Variants in CPEB1 observed in about 807,000 individuals in gnomAD.
CPEB1 encodes cytoplasmic polyadenylation element binding protein 1.
In CPEB1, 7 loss-of-function variants were observed where a neutral mutation model predicts 65.8. The observed-to-expected ratio is 0.11, with a 90% CI of 0.06 to 0.20. CPEB1 has a LOEUF of 0.20. CPEB1 is among the 10% of genes least tolerant of loss of function. CPEB1 has a pLI of 1.00. For synonymous variants in CPEB1, 262 were observed against 260.0 expected (o/e 1.01, Z -0.08); for missense variants, 551 against 712.2 (o/e 0.77, Z 2.58).
At chr15:82,648,455 C>T (rs1327629966), upstream of CPEB1, 1 of 152,376 alleles carries the variant, frequency 6.6e-6, no homozygotes, top group Non-Finnish European at 1.5e-5. Context: ...CCCTCTGCTC[C>T]GTGCGCTGCA....
chr15:82,549,612 C>G lies in CPEB1; in HGVS notation c.1328G>C (p.Ser443Thr). The stretch of plus-strand genomic sequence containing the variant: ...GCTGGGGTCAAGCCTCTGAGATGGG[C>G]TCCGGACAAAGTTACTGTCGGCTAA... ...WVLADSNFVR[S>T]PSQRLDPSRT... is the part of the protein sequence containing the mutation. The change falls in exon 10 of 13, where the codon AGC (serine) becomes ACC (threonine). Residue 443 changes from serine to threonine, a missense_variant. By Grantham distance (58) the Ser-to-Thr change is moderately conservative. This residue lies in a region of CPEB1 where 99 missense variants were observed against 161.3 expected (regional missense o/e 0.61). Transcript: ENST00000684509. The G allele has an allele frequency of 1.2e-6, 2 of 1,614,184 alleles. No homozygotes were observed. Among genetic ancestry groups the G allele is most frequent in the Non-Finnish European group, 1.7e-6 (2 of 1,180,032 alleles).
At chr15:82,643,106 C>A (rs2047233440) in intron 1 of CPEB1, among the ~76,000 whole-genome samples, 1 of 152,114 alleles carries the variant, frequency 6.6e-6, no homozygotes, top group African/African-American at 2.4e-5. Flanking sequence ...CTTCCCCTCC[C>A]CAGCACACTC....
intron 3 of CPEB1, among the ~76,000 whole-genome samples, chr15:82,587,030 A>C (rs2041859821): frequency 6.6e-6 from 1 of 152,222 alleles, no homozygotes. Context: ...GTTGTAAAAA[A>C]GATTATCAGG....
At chr15:82,560,085 A>C (rs116440130) in intron 4 of CPEB1, among the ~76,000 whole-genome samples, 3,342 of 152,300 alleles carry the variant, frequency 0.022, 124 homozygotes, top group African/African-American at 0.075. Flanking sequence ...CTCTGAAAAA[A>C]AAAAGTTCCT....
intron 1 of CPEB1, chr15:82,633,082 T>C (rs2046389912): frequency 6.6e-6 from 1 of 152,218 alleles, no homozygotes; most frequent in Non-Finnish European, 1.5e-5. Context: ...GTGAGGTCAC[T>C]TGTAGCTTTT....
chr15:82,632,054 T>G (rs979410889), intron 1 of CPEB1, among the ~76,000 whole-genome samples: 3 of 145,986 alleles, frequency 2.1e-5, no homozygotes, highest in Non-Finnish European at 4.5e-5. Context: ...TGATCTCGGC[T>G]CACTGCAAGC....
intron 3 of CPEB1, among the ~76,000 whole-genome samples, chr15:82,622,359 C>G (rs2045374799): frequency 6.6e-6 from 1 of 151,976 alleles, no homozygotes; most frequent in South Asian, 2.1e-4. Context: ...TCATAACTTT[C>G]TTGTATATAA....
chr15:82,635,345 T>C (rs2046573272), intron 1 of CPEB1, among the ~76,000 whole-genome samples: 1 of 152,224 alleles, frequency 6.6e-6, no homozygotes, highest in Non-Finnish European at 1.5e-5. Flanking sequence ...TATGGAAGAA[T>C]GTAAGTCTTC....
intron 3 of CPEB1, chr15:82,573,279 G>A (rs1158769041): frequency 9.9e-6 from 9 of 907,716 alleles, no homozygotes; most frequent in Non-Finnish European, 1.3e-5. Flanking sequence ...ATCCATCCAC[G>A]TTATTCCTCC....
intron 3 of CPEB1, among the ~76,000 whole-genome samples, chr15:82,617,018 A>G (rs1018348551): frequency 6.6e-6 from 1 of 152,142 alleles, no homozygotes; most frequent in South Asian, 2.1e-4. Context: ...ACTTATCGTC[A>G]AGTTCTGCCC....
intron 3 of CPEB1, among the ~76,000 whole-genome samples, chr15:82,580,210 G>C (rs942518426): frequency 6.6e-6 from 1 of 151,000 alleles, no homozygotes; most frequent in Non-Finnish European, 1.5e-5. Flanking sequence ...AGTCCCAGTT[G>C]CTCGAGAGGC....
chr15:82,624,384 G>A (rs2045573550), intron 3 of CPEB1, among the ~76,000 whole-genome samples: 1 of 152,134 alleles, frequency 6.6e-6, no homozygotes, highest in South Asian at 2.1e-4. Context: ...AGAAACCTGT[G>A]AGGCAGGTTG....
chr15:82,599,896 T>G (rs1395544957), intron 3 of CPEB1, among the ~76,000 whole-genome samples: 1 of 151,564 alleles, frequency 6.6e-6, no homozygotes, highest in Non-Finnish European at 1.5e-5. Context: ...CCAAAATGTA[T>G]ACAATACATA....
chr15:82,571,299 C>T (rs2039989233), intron 4 of CPEB1, 45 bp downstream of exon 4: 1 of 1,579,604 alleles, frequency 6.3e-7, no homozygotes, highest in African/African-American at 1.4e-5. Flanking sequence ...GTTCACCACC[C>T]CCATGCATCC....
chr15:82,554,490 A>G (rs1218475676), intron 6 of CPEB1, among the ~76,000 whole-genome samples: 1 of 152,220 alleles, frequency 6.6e-6, no homozygotes, highest in Non-Finnish European at 1.5e-5. Flanking sequence ...GGACACTGCC[A>G]ATAAAAACCA....
At chr15:82,639,219 T>A (rs1295174096) in intron 1 of CPEB1, among the ~76,000 whole-genome samples, 1 of 152,188 alleles carries the variant, frequency 6.6e-6, no homozygotes, top group Non-Finnish European at 1.5e-5. Flanking sequence ...CTATTCCTAC[T>A]TTATTCTGTT....
intron 3 of CPEB1, among the ~76,000 whole-genome samples, chr15:82,585,388 G>A (rs962905983): frequency 7.2e-5 from 11 of 152,188 alleles, no homozygotes; most frequent in African/African-American, 2.2e-4. Context: ...TCCAGCAGAT[G>A]GGGGTGGTAC....
chr15:82,571,192 G>T (rs2039973256), intron 4 of CPEB1, 152 bp downstream of exon 4: 1 of 971,830 alleles, frequency 1.0e-6, no homozygotes, highest in African/African-American at 1.7e-5. Flanking sequence ...CTCACAGCTT[G>T]CATTTCCATC....
intron 3 of CPEB1, among the ~76,000 whole-genome samples, chr15:82,590,209 CAAAAAAAAAAAAAAAA>C (rs5814120): frequency 3.8e-5 from 4 of 104,156 alleles, no homozygotes; most frequent in Non-Finnish European, 8.2e-5. Flanking sequence ...ATCCCTTTGA[CAAAAAAAAAAAAAAAA>C]AAAAAAAAAA....
Sources: gnomAD v4.1 joint callset for allele counts (sites outside exome capture counted in the v4.1 genomes callset) on GRCh38, gnomAD v4.1.1 for gene constraint, gnomAD v4.1.1 regional missense constraint, MANE v1.5 for transcripts, NCBI Gene and HGNC (gene_info 2026-07-23, HGNC 2026-07-21) for gene names.